Variants in FSTL5 observed in about 807,000 individuals in gnomAD.
FSTL5 encodes follistatin-related protein 5.
Under a neutral mutation model 89.1 loss-of-function variants are expected in FSTL5, and 62 were observed. That is an observed-to-expected ratio of 0.70 (90% CI 0.57 to 0.86). The LOEUF (loss-of-function observed/expected upper bound fraction) is 0.86. Ranked by LOEUF, FSTL5 falls within the 40% of genes least tolerant of loss-of-function variation. FSTL5 has a pLI of 0.00. For missense variants in FSTL5, 1,057 were observed against 1,001.6 expected (o/e 1.06, Z -0.75); for synonymous variants, 383 against 346.2 (o/e 1.11, Z -1.18).
At chr4:161,613,557 G>A (rs1734731563) in intron 7 of FSTL5, among the ~76,000 whole-genome samples, 1 of 152,106 alleles carries the variant, frequency 6.6e-6, no homozygotes, top group South Asian at 2.1e-4. Flanking sequence ...GATAGTGTAG[G>A]ATGGGAGTGC....
chr4:161,986,228 T>G (rs1247735691), intron 3 of FSTL5, among the ~76,000 whole-genome samples: 2 of 152,126 alleles, frequency 1.3e-5, no homozygotes, highest in African/African-American at 4.8e-5. Flanking sequence ...GAACATGGTA[T>G]ATAGCAAATA....
intron 6 of FSTL5, among the ~76,000 whole-genome samples, chr4:161,694,948 G>T (rs950190217): frequency 6.7e-6 from 1 of 148,686 alleles, no homozygotes; most frequent in Admixed American, 6.8e-5. Flanking sequence ...ACCTGACAGA[G>T]ATTTTCTTAA....
In FSTL5 at chr4:161,855,483, T is replaced by C. The variant is rs575893942; in HGVS notation, c.409+64921A>G. On this transcript the variant is annotated intron_variant, in intron 4 of 15. Coordinates refer to ENST00000306100, the MANE Select transcript of FSTL5 (RefSeq NM_020116.5). ...TTTGTTATAGAATTTATTATTAAAT[T>C]GAAATTCAGATAAAGACAGAAATTT... 2.0e-5 allele frequency among the ~76,000 whole-genome samples: 3 copies of C among 152,240 alleles called. No individual in the cohort carries two copies. In the East Asian group the frequency reaches 5.8e-4, roughly 29 times the overall value.
At chr4:162,118,923 G>A (rs1157354828) in intron 1 of FSTL5, among the ~76,000 whole-genome samples, 2 of 152,140 alleles carry the variant, frequency 1.3e-5, no homozygotes, top group East Asian at 3.9e-4. Flanking sequence ...TAGCAAGGCT[G>A]ACTATAATAA....
chr4:162,069,178 A>G (rs910825086), intron 2 of FSTL5, among the ~76,000 whole-genome samples: 41 of 151,928 alleles, frequency 2.7e-4, no homozygotes, highest in Non-Finnish European at 5.2e-4. Context: ...TTGATTTTCT[A>G]TAACACATCT....
intron 7 of FSTL5, among the ~76,000 whole-genome samples, chr4:161,653,632 T>C (rs947399781): frequency 6.6e-6 from 1 of 152,176 alleles, no homozygotes; most frequent in Admixed American, 6.6e-5. Context: ...ATATATATGT[T>C]GTTTATTTAC....
At chr4:161,443,223 C>T (rs773793782) in intron 15 of FSTL5, among the ~76,000 whole-genome samples, 1 of 151,916 alleles carries the variant, frequency 6.6e-6, no homozygotes, top group Admixed American at 6.6e-5. Flanking sequence ...CACATTGTGG[C>T]CAGAGAGAAC....
At chr4:162,132,884 C>T (rs527704955) in intron 1 of FSTL5, among the ~76,000 whole-genome samples, 79 of 152,278 alleles carry the variant, frequency 5.2e-4, no homozygotes, top group African/African-American at 1.8e-3. Context: ...TTTTAGAAGT[C>T]GGACCTTTGT....
intron 8 of FSTL5, among the ~76,000 whole-genome samples, chr4:161,576,619 T>G (rs772239720): frequency 9.9e-5 from 15 of 152,132 alleles, no homozygotes; most frequent in Non-Finnish European, 1.8e-4. Flanking sequence ...GCTAGCCATA[T>G]GCAGAAAATA....
chr4:161,768,522 T>C (rs367850577), intron 5 of FSTL5, among the ~76,000 whole-genome samples: 6 of 152,096 alleles, frequency 3.9e-5, no homozygotes, highest in Admixed American at 6.5e-5. Context: ...TCTTATATTC[T>C]ATACAGAATA....
intron 4 of FSTL5, among the ~76,000 whole-genome samples, chr4:161,859,178 C>T (rs774144221): frequency 2.4e-4 from 36 of 152,138 alleles, no homozygotes; most frequent in Non-Finnish European, 5.0e-4. Context: ...GGAAATTTAC[C>T]TATAGTCACA....
intron 2 of FSTL5, among the ~76,000 whole-genome samples, chr4:162,045,658 G>A (rs750719729): frequency 9.9e-5 from 15 of 152,100 alleles, no homozygotes; most frequent in Non-Finnish European, 1.6e-4. Flanking sequence ...AAATGACACC[G>A]ACAGACTTGC....
chr4:162,043,351 T>C (rs940275417), intron 2 of FSTL5: 4 of 152,190 alleles, frequency 2.6e-5, no homozygotes, highest in South Asian at 2.1e-4. Flanking sequence ...GTGCATGTTA[T>C]GTTTACACTA....
intron 3 of FSTL5, among the ~76,000 whole-genome samples, chr4:161,945,873 T>C (rs1734719947): frequency 6.6e-6 from 1 of 152,194 alleles, no homozygotes; most frequent in African/African-American, 2.4e-5. Context: ...TACATTTATA[T>C]GTATATGTAA....
At chr4:161,709,538 C>T (rs1234242973) in intron 6 of FSTL5, among the ~76,000 whole-genome samples, 1 of 152,070 alleles carries the variant, frequency 6.6e-6, no homozygotes, top group African/African-American at 2.4e-5. Context: ...CAGTGGCTCA[C>T]AACTATAATC....
chr4:161,419,726 C>A (rs1318404868), intron 15 of FSTL5, among the ~76,000 whole-genome samples: 1 of 152,212 alleles, frequency 6.6e-6, no homozygotes, highest in Non-Finnish European at 1.5e-5. Context: ...CATCTCCTAA[C>A]TATAAAGATG....
At chr4:161,894,849 C>A (rs533749864) in intron 4 of FSTL5, among the ~76,000 whole-genome samples, 51 of 152,132 alleles carry the variant, frequency 3.4e-4, no homozygotes, top group Non-Finnish European at 6.9e-4. Context: ...CATGAAGCTT[C>A]TATAAGACAG....
intron 3 of FSTL5, among the ~76,000 whole-genome samples, chr4:161,989,467 T>C (rs552409679): frequency 6.6e-6 from 1 of 152,310 alleles, no homozygotes; most frequent in East Asian, 1.9e-4. Context: ...AATGTAGACT[T>C]ACCATGCTTC....
intron 2 of FSTL5, among the ~76,000 whole-genome samples, chr4:162,051,736 A>G (rs1312160067): frequency 1.3e-5 from 2 of 151,634 alleles, no homozygotes; most frequent in Non-Finnish European, 3.0e-5. Context: ...CAATAACCCT[A>G]AAAGAAAATC....
Sources: allele counts gnomAD v4.1 joint callset (sites outside exome capture counted in the v4.1 genomes callset), GRCh38; gene constraint gnomAD v4.1.1; transcripts MANE v1.5; gene names NCBI Gene and HGNC (gene_info 2026-07-23, HGNC 2026-07-21).